Variants in PSMC2 observed in about 807,000 individuals in gnomAD.
PSMC2 encodes proteasome 26S subunit, ATPase 2.
PSMC2 carries 7 observed loss-of-function variants against 53.3 expected under a neutral mutation model. The ratio of observed to expected loss-of-function variants is 0.13; its 90% CI spans 0.07 to 0.25. The LOEUF (loss-of-function observed/expected upper bound fraction) is 0.25. PSMC2 is among the 10% of genes least tolerant of loss of function. The pLI, the probability that PSMC2 is intolerant of heterozygous loss-of-function variation, is 1.00. For synonymous variants in PSMC2, 169 were observed against 183.9 expected (o/e 0.92, Z 0.66); for missense variants, 241 against 544.0 (o/e 0.44, Z 5.54).
rs114306865 is a variant in PSMC2 at position 103,350,757 on chromosome 7, C to A, written c.70+2976C>A. On this transcript the variant is annotated intron_variant, in intron 1 of 11. Coordinates refer to ENST00000292644, the MANE Select transcript of PSMC2 (RefSeq NM_002803.4). ...AAGTGATCCTCCCACCTTGGCCACC[C>A]AAAGTACTGGCATTTCAGGGGTGAG... 5.2e-3 allele frequency among the ~76,000 whole-genome samples: 793 copies of A among 152,222 alleles called. 9 individuals carry two copies. Among genetic ancestry groups the A allele is most frequent in the African/African-American group, 0.018 (735 of 41,516 alleles).
intron 4 of PSMC2, among the ~76,000 whole-genome samples, chr7:103,357,029 G>A (rs1459319706): frequency 6.6e-6 from 1 of 151,758 alleles, no homozygotes; most frequent in Non-Finnish European, 1.5e-5. Flanking sequence ...GGTTTTTGAA[G>A]GGTTAAATAG....
At chr7:103,348,667 G>C in intron 1 of PSMC2, 1 of 1,579,646 alleles carries the variant, frequency 6.3e-7, no homozygotes, top group Non-Finnish European at 8.7e-7. Context: ...CTCTTGTCGC[G>C]TCTGTTCAAA....
Position 103,367,262 on chromosome 7 carries a change from A to G in PSMC2, c.845-151A>G. 1 of 637,600 alleles carries G rather than the reference A, an allele frequency of 1.6e-6. No homozygotes were observed. Among genetic ancestry groups the G allele is most frequent in the Non-Finnish European group, 2.8e-6 (1 of 359,944 alleles). The allele number at this position is 637,600 out of a possible 1,614,324, so 39.5% of individuals were successfully genotyped here. ...TCACTTTCTAATTAGTTTTATATAA[A>G]GCAAGCTGTTCTTACAGGATTTGCT... is the stretch of plus-strand genomic sequence containing the variant. On this transcript the variant is annotated intron_variant, in intron 9 of 11. Coordinates refer to ENST00000292644, the MANE Select transcript of PSMC2 (RefSeq NM_002803.4). The surrounding 1 kb of genome is among the most constrained non-coding windows in gnomAD (Gnocchi z 6.1).
At chr7:103,356,213 T>C (rs1030947711) in intron 4 of PSMC2, among the ~76,000 whole-genome samples, 2 of 152,196 alleles carry the variant, frequency 1.3e-5, no homozygotes, top group Admixed American at 6.5e-5. Context: ...AATATAGGTA[T>C]ACTTATTTCT....
intron 8 of PSMC2, among the ~76,000 whole-genome samples, chr7:103,364,897 C>T (rs564694305): frequency 6.8e-6 from 1 of 147,486 alleles, no homozygotes; most frequent in East Asian, 2.0e-4. Flanking sequence ...ACTTCAGGGG[C>T]AGTGTTTTCA....
intron 1 of PSMC2, among the ~76,000 whole-genome samples, chr7:103,351,774 T>G (rs10486852): frequency 0.028 from 4,251 of 152,194 alleles, 214 homozygotes; most frequent in African/African-American, 0.096. Flanking sequence ...GCTAACCACT[T>G]TCTATTGTGA....
At chr7:103,362,792 GTC>G in intron 6 of PSMC2, 34 bp downstream of exon 6, 22 of 867,816 alleles carry the variant, frequency 2.5e-5, no homozygotes, top group Admixed American at 4.5e-5. Context: ...GGAAGGCTAT[GTC>G]TTTTTTTTTT....
At chr7:103,356,571 A>C (rs1393897038) in intron 4 of PSMC2, among the ~76,000 whole-genome samples, 1 of 152,234 alleles carries the variant, frequency 6.6e-6, no homozygotes, top group East Asian at 1.9e-4. Context: ...GTTGATTACT[A>C]GTATGATAGC....
Position 103,364,153 on chromosome 7 carries a change from T to C in PSMC2, c.602T>C (p.Phe201Ser). 1 of 1,613,984 alleles carries C rather than the reference T, an allele frequency of 6.2e-7. No homozygotes were observed. The highest frequency in any genetic ancestry group is 8.5e-7 in the Non-Finnish European group (1 of 1,179,974). Residue 201 changes from phenylalanine (F) to serine (S), a missense_variant, in exon 8 of 12, where the codon TTT becomes TCT. By Grantham distance (155) the Phe-to-Ser change is radical. This residue lies in a region of PSMC2 where 75 missense variants were observed against 185.1 expected (regional missense o/e 0.41). Transcript: ENST00000292644. ...VETPLLHPER[F>S]VNLGIEPPKG... The stretch of plus-strand genomic sequence containing the variant: ...GTGTCTCTATCACAGCCAGAGAGGT[T>C]TGTGAACCTTGGCATTGAGCCTCCC...
intron 1 of PSMC2, chr7:103,348,701 A>G: frequency 6.3e-7 from 1 of 1,588,526 alleles, no homozygotes; most frequent in South Asian, 1.1e-5. Flanking sequence ...ATCCGGAAAT[A>G]TGGCCTCAAT....
intron 4 of PSMC2, among the ~76,000 whole-genome samples, chr7:103,361,578 C>A (rs1820418667): frequency 6.7e-6 from 1 of 149,986 alleles, no homozygotes; most frequent in Non-Finnish European, 1.5e-5. Flanking sequence ...AATGAAAACC[C>A]ATTTATTACT....
At chr7:103,357,328 A>G (rs528433119) in intron 4 of PSMC2, among the ~76,000 whole-genome samples, 1 of 127,244 alleles carries the variant, frequency 7.9e-6, no homozygotes, top group East Asian at 2.4e-4. Context: ...CTCTGTCTCA[A>G]AAAAAAAAAA....
Position 103,367,943 on chromosome 7 carries a change from C to T in PSMC2, c.1191C>T (p.Ile397=). ...GCACAGAGGCTGGTATGTTTGCCAT[C>T]AGAGCACGGCGAAAAATTGCTACCG... The part of the protein sequence containing the change: ...SVCTEAGMFA[I]RARRKIATEK... Residue 397 remains isoleucine, a synonymous_variant, in exon 12 of 12, where the codon ATC becomes ATT. Coordinates refer to ENST00000292644, the MANE Select transcript of PSMC2 (RefSeq NM_002803.4). The surrounding 1 kb of genome is among the most constrained non-coding windows in gnomAD (Gnocchi z 6.1). 1 of 1,614,034 alleles carries T rather than the reference C, an allele frequency of 6.2e-7. No homozygotes were observed. The highest frequency in any genetic ancestry group is 8.5e-7 in the Non-Finnish European group (1 of 1,180,012).
chr7:103,364,143 C>T lies in PSMC2; in HGVS notation c.592C>T (p.Pro198Ser). Residue 198 changes from proline to serine, a missense_variant and splice_region_variant, in exon 8 of 12, where the codon CCA becomes TCA. Pro to Ser is a moderately conservative substitution (Grantham distance 74, BLOSUM62 -1). Coordinates refer to ENST00000292644, the MANE Select transcript of PSMC2 (RefSeq NM_002803.4). ...TGTGAAAATTGTGTCTCTATCACAGCCAGAGAGGTTTGTGAACCTTGGCAT... is the reference window on the plus strand; with the variant it reads ...TGTGAAAATTGTGTCTCTATCACAGTCAGAGAGGTTTGTGAACCTTGGCAT... Reference protein sequence around the residue: ...REVVETPLLHPERFVNLGIEP... With the variant: ...REVVETPLLHSERFVNLGIEP... 1.2e-6 allele frequency: 2 copies of T among 1,613,248 alleles called. No homozygotes were observed. The highest frequency in any genetic ancestry group is 1.7e-6 in the Non-Finnish European group (2 of 1,179,710).
At chr7:103,365,655 C>T (rs1430043819) in intron 8 of PSMC2, among the ~76,000 whole-genome samples, 3 of 151,804 alleles carry the variant, frequency 2.0e-5, no homozygotes, top group Admixed American at 6.6e-5. Flanking sequence ...AATAGCTGCG[C>T]GCAGTGGCTC....
At chr7:103,349,684 A>G (rs1369784938) in intron 1 of PSMC2, among the ~76,000 whole-genome samples, 5 of 152,162 alleles carry the variant, frequency 3.3e-5, no homozygotes. Context: ...TCCTGACCTC[A>G]GGTGATCCGC....
At chr7:103,362,542 CTCTCTTTATT>C (rs1820470277) in intron 5 of PSMC2, 134 bp from the exon 6 acceptor site, 3 of 1,403,524 alleles carry the variant, frequency 2.1e-6, no homozygotes, top group African/African-American at 1.5e-5. Flanking sequence ...AGATTTCATG[CTCTCTTTATT>C]TCTCTTTATA....
intron 4 of PSMC2, among the ~76,000 whole-genome samples, chr7:103,357,763 C>A (rs1392505218): frequency 6.6e-6 from 1 of 152,074 alleles, no homozygotes; most frequent in Admixed American, 6.5e-5. Flanking sequence ...GTTGTTATAA[C>A]GTCTTGTTTT....
intron 1 of PSMC2, 90 bp downstream of exon 1, chr7:103,347,871 G>T (rs767538279): frequency 3.6e-6 from 5 of 1,402,780 alleles, no homozygotes; most frequent in Non-Finnish European, 5.0e-6. Context: ...CCCGCTCCTG[G>T]CTCTGTGCTC....
Sources: gnomAD v4.1 joint callset for allele counts (sites outside exome capture counted in the v4.1 genomes callset) on GRCh38, gnomAD v4.1.1 for gene constraint, gnomAD v4.1.1 regional missense constraint, Gnocchi (gnomAD v3.1) non-coding constraint, MANE v1.5 for transcripts, NCBI Gene and HGNC (gene_info 2026-07-23, HGNC 2026-07-21) for gene names.